Variants in UPF2 observed in about 807,000 individuals in gnomAD.
The protein encoded by UPF2 is regulator of nonsense transcripts 2.
In UPF2, 17 loss-of-function variants were observed where a neutral mutation model predicts 141.4. The observed-to-expected ratio is 0.12, with a 90% CI of 0.08 to 0.18. The LOEUF (loss-of-function observed/expected upper bound fraction) is 0.18. Among genes scored for constraint, UPF2 ranks in the 10% least tolerant of loss-of-function variants. The pLI, the probability that UPF2 is intolerant of heterozygous loss-of-function variation, is 1.00. For synonymous variants in UPF2, 540 were observed against 498.0 expected, an observed-to-expected ratio of 1.08 and a Z score of -1.12; for missense variants, 1,152 against 1,515.9, an observed-to-expected ratio of 0.76 and a Z score of 3.99.
chr10:11,926,903 CAGGTTA>C lies in UPF2; in HGVS notation c.3809+2956_3809+2961del, dbSNP rs1832719834. Among the ~76,000 whole-genome samples, 3 of 152,308 alleles carry C rather than the reference CAGGTTA, an allele frequency of 2.0e-5. No individual in the cohort carries two copies. In the South Asian group the frequency reaches 6.2e-4, roughly 32 times the overall value. On this transcript the variant is annotated intron_variant, in intron 21 of 21. Transcript: ENST00000357604. Reference sequence around the variant, plus strand: ...CTGCAAAGTGACTAACACCGGTAACCAGGTTAAGAAAGGCTTACCTCTGTTCACACG... The same window carrying C: ...CTGCAAAGTGACTAACACCGGTAACCAGAAAGGCTTACCTCTGTTCACACG...
rs1332415756 is a variant in UPF2, at chr10:12,014,217, T to C, written c.1146-33A>G. Reference sequence around the variant, plus strand: ...CAAATGAAATCATCTGACAGTCTTATCAAAATAGATGTGATCACAAATTGT... The same window carrying C: ...CAAATGAAATCATCTGACAGTCTTACCAAAATAGATGTGATCACAAATTGT... On this transcript the variant is annotated intron_variant, in intron 3 of 21. Transcript: ENST00000357604. The surrounding 1 kb of genome is among the most constrained non-coding windows in gnomAD (Gnocchi z 5.0). The C allele has an allele frequency of 1.5e-6, 2 of 1,360,558 alleles. No individual in the cohort carries two copies. The highest frequency in any genetic ancestry group is 1.9e-6 in the Non-Finnish European group (2 of 1,044,348). The allele number at this position is 1,360,558 out of a possible 1,614,324, so 84.3% of individuals were successfully genotyped here. A position where few individuals can be genotyped will look rare whatever the true frequency, so the allele number is the denominator to read the frequency against.
intron 4 of UPF2, among the ~76,000 whole-genome samples, chr10:12,006,523 G>A (rs1041608439): frequency 5.3e-5 from 8 of 151,982 alleles, no homozygotes; most frequent in Non-Finnish European, 1.2e-4. Flanking sequence ...CTGGCTCCTC[G>A]AAACTCCTTA....
intron 8 of UPF2, among the ~76,000 whole-genome samples, chr10:11,990,387 G>T (rs902341227): frequency 1.3e-5 from 2 of 152,174 alleles, no homozygotes; most frequent in Non-Finnish European, 2.9e-5. Flanking sequence ...CAGGGAAACG[G>T]CCCCCAAAGC....
intron 4 of UPF2, among the ~76,000 whole-genome samples, chr10:12,012,076 G>GT (rs36109528): frequency 0.041 from 5,931 of 143,474 alleles, 223 homozygotes; most frequent in East Asian, 0.15. Flanking sequence ...TATGCTAAAT[G>GT]TTTTTTTTTT....
intron 14 of UPF2, 59 bp from the exon 15 acceptor site, chr10:11,952,308 A>C (rs1833085826): frequency 7.1e-7 from 1 of 1,404,676 alleles, no homozygotes; most frequent in Admixed American, 2.6e-5. Flanking sequence ...ATATTTTAAA[A>C]TAATAAACTA....
intron 3 of UPF2, among the ~76,000 whole-genome samples, chr10:12,024,285 A>G (rs1368654013): frequency 6.6e-6 from 1 of 151,506 alleles, no homozygotes; most frequent in Non-Finnish European, 1.5e-5. Context: ...GTGTGAGACC[A>G]TATCTCTATG....
chr10:12,037,883 G>T (rs557505415), intron 1 of UPF2, among the ~76,000 whole-genome samples: 89 of 152,198 alleles, frequency 5.8e-4, no homozygotes, highest in African/African-American at 1.9e-3. Flanking sequence ...TAGACCAACA[G>T]AAACACTTTA....
intron 8 of UPF2, among the ~76,000 whole-genome samples, chr10:11,996,711 T>C (rs1166679165): frequency 6.6e-6 from 1 of 152,202 alleles, no homozygotes; most frequent in African/African-American, 2.4e-5. Flanking sequence ...TAATTCTTAA[T>C]TACCTACTCA....
intron 10 of UPF2, among the ~76,000 whole-genome samples, chr10:11,966,452 T>G (rs1269868602): frequency 6.6e-6 from 1 of 152,180 alleles, no homozygotes; most frequent in Non-Finnish European, 1.5e-5. Flanking sequence ...GAGACGGACT[T>G]TCACTCTTGT....
rs552628712 is a variant in UPF2 at position 11,968,532 on chromosome 10, G to GT, written c.1954-1079dup. On this transcript the variant is annotated intron_variant, in intron 9 of 21. Transcript: ENST00000357604. ...TGGTATTCAGGCTGGCTAGTGCATTGTAATTATAAACTATGCTACATTTTT... is the reference window on the plus strand; with the variant it reads ...TGGTATTCAGGCTGGCTAGTGCATTGTTAATTATAAACTATGCTACATTTTT... 2.1e-3 allele frequency among the ~76,000 whole-genome samples: 320 copies of GT among 152,300 alleles called. 2 individuals are homozygous for GT. Among genetic ancestry groups the GT allele is most frequent in the Non-Finnish European group, 3.4e-3 (232 of 68,026 alleles).
chr10:11,990,285 T>A (rs1354181970), intron 8 of UPF2, among the ~76,000 whole-genome samples: 4 of 152,164 alleles, frequency 2.6e-5, no homozygotes, highest in Non-Finnish European at 5.9e-5. Flanking sequence ...GATAAACCCA[T>A]ATTCCTGACA....
At position 12,010,453 on chromosome 10, in the gene UPF2, T is replaced by C. The variant is rs1288298450; in HGVS notation, c.1306+3571A>G. On this transcript the variant is annotated intron_variant, in intron 4 of 21. Coordinates refer to ENST00000357604, the MANE Select transcript of UPF2 (RefSeq NM_015542.4). ...CAAGACATAGATATAAAAAATGACT[T>C]CTCTAAATGGAATTAAGTTATTAGA... Among the ~76,000 whole-genome samples, 3 of 152,090 alleles carry C rather than the reference T, an allele frequency of 2.0e-5. 1 individual carries two copies. Among genetic ancestry groups the C allele is most frequent in the African/African-American group, 7.2e-5 (3 of 41,414 alleles).
chr10:11,933,717 T>C lies in UPF2; in HGVS notation c.3547-1935A>G, dbSNP rs141007867. 1.6e-3 allele frequency among the ~76,000 whole-genome samples: 250 copies of C among 152,368 alleles called. 1 individual carries two copies. The highest frequency in any genetic ancestry group is 5.6e-3 in the African/African-American group (232 of 41,588). On this transcript the variant is annotated intron_variant, in intron 19 of 21. Coordinates refer to ENST00000357604, the MANE Select transcript of UPF2 (RefSeq NM_015542.4). ...TTCTTTTAAGTAGGCATTGATTAAT[T>C]TATTTTCAATTCCTACACGTTCTAT...
intron 21 of UPF2, among the ~76,000 whole-genome samples, chr10:11,927,120 C>A (rs537485200): frequency 6.6e-6 from 1 of 152,290 alleles, no homozygotes; most frequent in South Asian, 2.1e-4. Flanking sequence ...AGGTAAAGAC[C>A]CTGTCTTGTA....
chr10:11,987,485 C>T (rs1588554561), intron 8 of UPF2, among the ~76,000 whole-genome samples: 1 of 151,954 alleles, frequency 6.6e-6, no homozygotes, highest in Admixed American at 6.6e-5. Context: ...AGGCTGGGCA[C>T]GGAGGCTCCT....
rs1391218957 is a variant in UPF2, at chr10:12,019,492, C to T, written c.1146-5308G>A. ...TAGTTCGCCAATGCCTGTCACACTACTACATGTCTTATAAATTAGTACATT... is the reference window on the plus strand; with the variant it reads ...TAGTTCGCCAATGCCTGTCACACTATTACATGTCTTATAAATTAGTACATT... On this transcript the variant is annotated intron_variant, in intron 3 of 21. Coordinates refer to ENST00000357604, the MANE Select transcript of UPF2 (RefSeq NM_015542.4). This position sits in a 1 kb window ranked among gnomAD's most constrained non-coding sequence, Gnocchi z 4.5. 6.6e-6 allele frequency among the ~76,000 whole-genome samples: 1 copy of T among 152,252 alleles called. No homozygotes were observed. The highest frequency in any genetic ancestry group is 1.5e-5 in the Non-Finnish European group (1 of 68,044).
At chr10:12,041,634 G>A (rs897810494) in intron 1 of UPF2, among the ~76,000 whole-genome samples, 7 of 152,080 alleles carry the variant, frequency 4.6e-5, no homozygotes, top group Non-Finnish European at 8.8e-5. Flanking sequence ...GAGAGAATGC[G>A]GTTTTACCTT....
intron 8 of UPF2, among the ~76,000 whole-genome samples, chr10:11,986,571 T>C (rs1833695429): frequency 6.6e-6 from 1 of 152,194 alleles, no homozygotes; most frequent in African/African-American, 2.4e-5. Flanking sequence ...ATTTTATCTC[T>C]GTGCTCAAAA....
At chr10:11,947,391 A>G (rs910447437) in intron 16 of UPF2, among the ~76,000 whole-genome samples, 6 of 152,204 alleles carry the variant, frequency 3.9e-5, no homozygotes, top group Non-Finnish European at 2.9e-5. Context: ...GAGATCTGGG[A>G]AAAATAAAGC....
Sources: gnomAD v4.1 joint callset for allele counts (sites outside exome capture counted in the v4.1 genomes callset) on GRCh38, gnomAD v4.1.1 for gene constraint, Gnocchi (gnomAD v3.1) non-coding constraint, MANE v1.5 for transcripts, NCBI Gene and HGNC (gene_info 2026-07-23, HGNC 2026-07-21) for gene names.